The following GRIP1 variants were observed in gnomAD, a reference collection of about 807,000 sequenced individuals.
GRIP1 encodes glutamate receptor-interacting protein 1.
In GRIP1, 45 loss-of-function variants were observed where a neutral mutation model predicts 129.9. The ratio of observed to expected loss-of-function variants is 0.35; its 90% CI spans 0.27 to 0.44. The LOEUF (loss-of-function observed/expected upper bound fraction) is 0.44, where lower values mean the gene tolerates loss of function less well. GRIP1 is among the 20% of genes least tolerant of loss of function. The pLI, the probability that GRIP1 is intolerant of heterozygous loss-of-function variation, is 1.00. For synonymous variants in GRIP1, 530 were observed against 520.8 expected (o/e 1.02, Z -0.24); for missense variants, 1,196 against 1,396.8 (o/e 0.86, Z 2.29).
chr12:66,907,591 C>T (rs182654850), intron 1 of GRIP1, among the ~76,000 whole-genome samples: 71 of 152,146 alleles, frequency 4.7e-4, no homozygotes, highest in African/African-American at 1.6e-3. Context: ...AAAGGAGGAG[C>T]AAGAGTGTTC....
intron 1 of GRIP1, among the ~76,000 whole-genome samples, chr12:66,830,135 T>C (rs2039490940): frequency 6.6e-6 from 1 of 152,176 alleles, no homozygotes; most frequent in African/African-American, 2.4e-5. Flanking sequence ...TTTAAATGTG[T>C]CATATCCACT....
chr12:66,748,619 A>G (rs957388117), intron 1 of GRIP1, among the ~76,000 whole-genome samples: 8 of 152,216 alleles, frequency 5.3e-5, no homozygotes, highest in Non-Finnish European at 8.8e-5. Context: ...TTAAGGATCT[A>G]GAGAGACTTT....
At chr12:66,683,556 A>T (rs1304453611), upstream of GRIP1, among the ~76,000 whole-genome samples, 1 of 152,196 alleles carries the variant, frequency 6.6e-6, no homozygotes, top group Admixed American at 6.5e-5. Context: ...AGGAAGTGTC[A>T]TTAGGACATA....
In GRIP1 at chr12:66,445,166, C is replaced by A. The variant is rs545538405; in HGVS notation, c.1541+156G>T. ...ATCCATGCTCATTACTCTTTTCAAA[C>A]CTGATCAAGAACATAAAATTTTATT... On this transcript the variant is annotated intron_variant, in intron 12 of 24. Transcript: ENST00000359742. Among the ~76,000 whole-genome samples, 25 of 152,316 alleles carry A rather than the reference C, an allele frequency of 1.6e-4. No homozygotes were observed. The East Asian group carries it at 4.6e-3, about 28-fold the overall frequency.
At chr12:67,014,897 C>T (rs1026112592) in intron 1 of GRIP1, among the ~76,000 whole-genome samples, 5 of 152,124 alleles carry the variant, frequency 3.3e-5, no homozygotes, top group South Asian at 2.1e-4. Flanking sequence ...AATCAAACCA[C>T]TTTTAGTGTG....
intron 23 of GRIP1, 44 bp from the exon 24 acceptor site, chr12:66,353,607 A>G (rs770432319): frequency 3.5e-5 from 55 of 1,581,586 alleles, no homozygotes; most frequent in Admixed American, 1.8e-4. Context: ...TGGGGTGGAG[A>G]CTTTTCCTTC....
intron 1 of GRIP1, among the ~76,000 whole-genome samples, chr12:67,048,856 C>T (rs2043296475): frequency 6.6e-6 from 1 of 152,174 alleles, no homozygotes; most frequent in African/African-American, 2.4e-5. Context: ...CCTTGCCTTC[C>T]ACCATGATCG....
At chr12:67,068,701 C>T (rs2135915655) in intron 1 of GRIP1, among the ~76,000 whole-genome samples, 1 of 150,236 alleles carries the variant, frequency 6.7e-6, no homozygotes, top group African/African-American at 2.4e-5. Flanking sequence ...CACCCCCCAG[C>T]ACCCACCCCA....
chr12:66,418,942 G>T (rs1002414112), intron 15 of GRIP1, among the ~76,000 whole-genome samples: 2 of 152,090 alleles, frequency 1.3e-5, no homozygotes, highest in Admixed American at 6.6e-5. Flanking sequence ...CACTGCTTGG[G>T]TATATACCCA....
intron 3 of GRIP1, among the ~76,000 whole-genome samples, chr12:66,540,279 T>C (rs529714626): frequency 6.6e-6 from 1 of 152,382 alleles, no homozygotes; most frequent in South Asian, 2.1e-4. Context: ...TCTGATTTAC[T>C]ACCTTCAAAA....
chr12:66,650,663 T>C (rs2032728610), intron 1 of GRIP1, among the ~76,000 whole-genome samples: 1 of 152,186 alleles, frequency 6.6e-6, no homozygotes, highest in African/African-American at 2.4e-5. Context: ...TAGCTGATCT[T>C]AATGGTCACG....
chr12:66,649,740 C>T (rs949110416), intron 1 of GRIP1, among the ~76,000 whole-genome samples: 4 of 152,090 alleles, frequency 2.6e-5, no homozygotes, highest in Admixed American at 6.6e-5. Context: ...ATGAAAAAGA[C>T]GTAGGTTTCG....
At chr12:66,846,715 T>C (rs931468414) in intron 1 of GRIP1, among the ~76,000 whole-genome samples, 10 of 152,194 alleles carry the variant, frequency 6.6e-5, no homozygotes, top group Non-Finnish European at 1.3e-4. Context: ...TCTACCTCAA[T>C]AACATTGTAG....
At chr12:66,729,099 G>T (rs1426712988) in intron 1 of GRIP1, among the ~76,000 whole-genome samples, 1 of 151,016 alleles carries the variant, frequency 6.6e-6, no homozygotes, top group African/African-American at 2.4e-5. Context: ...TGTTTCCCAG[G>T]CTAGACTTAA....
intron 1 of GRIP1, among the ~76,000 whole-genome samples, chr12:66,633,394 TC>T (rs60931720): frequency 0.091 from 13,740 of 151,186 alleles, 829 homozygotes; most frequent in Middle Eastern, 0.15. Context: ...CCAGCAATCC[TC>T]CCACCTCGGC....
chr12:67,054,778 G>T (rs1452527069), intron 1 of GRIP1, among the ~76,000 whole-genome samples: 1 of 145,798 alleles, frequency 6.9e-6, no homozygotes, highest in Admixed American at 6.8e-5. Flanking sequence ...AAAAAAAAAA[G>T]TCAAACCCTA....
At chr12:66,464,629 C>A (rs1173599388) in intron 8 of GRIP1, among the ~76,000 whole-genome samples, 3 of 152,154 alleles carry the variant, frequency 2.0e-5, no homozygotes, top group Non-Finnish European at 2.9e-5. Context: ...TAAGAACAGG[C>A]TAGTGCCCTA....
intron 1 of GRIP1, among the ~76,000 whole-genome samples, chr12:67,064,622 T>C (rs965254535): frequency 6.6e-6 from 1 of 152,202 alleles, no homozygotes; most frequent in African/African-American, 2.4e-5. Flanking sequence ...AATTCCACAT[T>C]GGACTTTTTG....
chr12:66,764,450 A>G (rs922593363), intron 1 of GRIP1, among the ~76,000 whole-genome samples: 1 of 152,182 alleles, frequency 6.6e-6, no homozygotes, highest in African/African-American at 2.4e-5. Flanking sequence ...AGCATTACTG[A>G]GGAAAAGTTA....
Sources: gnomAD v4.1 joint callset for allele counts (sites outside exome capture counted in the v4.1 genomes callset) on GRCh38, gnomAD v4.1.1 for gene constraint, MANE v1.5 for transcripts, NCBI Gene and HGNC (gene_info 2026-07-23, HGNC 2026-07-21) for gene names.